The following CACNA1H variants were observed in gnomAD, a reference collection of about 807,000 sequenced individuals.
CACNA1H encodes the protein voltage-dependent T-type calcium channel subunit alpha-1H.
Under a neutral mutation model 192.5 loss-of-function variants are expected in CACNA1H, and 149 were observed. The observed-to-expected ratio is 0.77, with a 90% CI of 0.68 to 0.89. The LOEUF is 0.89. Among genes scored for constraint, CACNA1H ranks in the 40% least tolerant of loss-of-function variants. The pLI, the probability that CACNA1H is intolerant of heterozygous loss-of-function variation, is 0.00. For missense variants in CACNA1H, 4,257 were observed against 3,423.5 expected (o/e 1.24, Z -6.08); for synonymous variants, 2,202 against 1,475.2 (o/e 1.49, Z -11.29).
At chr16:1,155,833 G>A (rs1363157296) in intron 2 of CACNA1H, among the ~76,000 whole-genome samples, 2 of 152,166 alleles carry the variant, frequency 1.3e-5, no homozygotes, top group African/African-American at 4.8e-5. Flanking sequence ...GGTGGGATGA[G>A]CTCTCCAGGG....
intron 2 of CACNA1H, among the ~76,000 whole-genome samples, chr16:1,181,970 G>A (rs1040931966): frequency 4.6e-5 from 7 of 152,094 alleles, no homozygotes; most frequent in Non-Finnish European, 8.8e-5. Context: ...ATGCCCCCTC[G>A]CACACGCATG....
At chr16:1,188,805 TCCC>T (rs1263034876) in intron 2 of CACNA1H, among the ~76,000 whole-genome samples, 1 of 151,962 alleles carries the variant, frequency 6.6e-6, no homozygotes. Flanking sequence ...CCTGGATGTG[TCCC>T]CCCACACCTA....
intron 11 of CACNA1H, among the ~76,000 whole-genome samples, 163 bp from the exon 12 acceptor site, chr16:1,205,941 T>C (rs1483192682): frequency 1.3e-5 from 2 of 152,186 alleles, no homozygotes; most frequent in African/African-American, 4.8e-5. Flanking sequence ...TTGAGGTGCT[T>C]CCGCAGCTGT....
intron 2 of CACNA1H, among the ~76,000 whole-genome samples, chr16:1,186,997 C>T (rs1214075695): frequency 2.0e-5 from 3 of 152,322 alleles, no homozygotes; most frequent in East Asian, 3.9e-4. Context: ...CTGGCCCGGC[C>T]CCTCCTGGGT....
chr16:1,158,439 C>A (rs144066810), intron 2 of CACNA1H, among the ~76,000 whole-genome samples: 1 of 152,088 alleles, frequency 6.6e-6, no homozygotes, highest in Non-Finnish European at 1.5e-5. Context: ...GAGAGGCCCC[C>A]GGGGATGATG....
At chr16:1,206,908 CTCCCTCCTCCCA>C in intron 12 of CACNA1H, 81 bp from the exon 13 acceptor site, 3 of 259,104 alleles carry the variant, frequency 1.2e-5, no homozygotes, top group South Asian at 5.7e-5. Flanking sequence ...AGTCCTGCCC[CTCCCTCCTCCCA>C]CCCCCCTCCC....
At chr16:1,183,397 TCCCTCCTGG>T (rs1232184186) in intron 2 of CACNA1H, among the ~76,000 whole-genome samples, 1 of 152,062 alleles carries the variant, frequency 6.6e-6, no homozygotes, top group Non-Finnish European at 1.5e-5. Flanking sequence ...GAGCCGGGAA[TCCCTCCTGG>T]CCCCTCCCCC....
At position 1,205,263 on chromosome 16, in the gene CACNA1H, C is replaced by T. The variant is rs1968547226; in HGVS notation, c.2601C>T (p.Ile867=). 2 of 1,602,846 alleles carry T rather than the reference C, an allele frequency of 1.2e-6. No individual in the cohort carries two copies. The highest frequency in any genetic ancestry group is 1.7e-6 in the Non-Finnish European group (2 of 1,171,774). The change falls in exon 11 of 35, where the codon ATC becomes ATT. Residue 867 remains isoleucine, a splice_region_variant and synonymous_variant. Coordinates refer to ENST00000348261, the MANE Select transcript of CACNA1H (RefSeq NM_021098.3). The part of the protein sequence containing the change: ...YNIFDGIIVV[I]SVWEIVGQAD... ...TCTTCGACGGCATCATCGTGGTCAT[C>T]AGGTGGGTCCCCACCCTCTCCCCAG...
chr16:1,211,901 C>G (rs757833071), intron 24 of CACNA1H, 45 bp from the exon 25 acceptor site: 15 of 1,611,706 alleles, frequency 9.3e-6, no homozygotes, highest in Non-Finnish European at 1.3e-5. Flanking sequence ...GGGTAGGGCC[C>G]CTGGCGGGGC....
chr16:1,198,711 T>C lies in CACNA1H; in HGVS notation c.740T>C (p.Val247Ala). Residue 247 changes from valine to alanine, a missense_variant, in exon 6 of 35, where the codon GTT (valine) becomes GCT (alanine). Val to Ala is a moderately conservative substitution (Grantham distance 64). Transcript: ENST00000348261. ...CFFVFFIFGI[V>A]GVQLWAGLLR... ...TTCGTCTTCTTCATTTTCGGCATCG[T>C]TGGCGTCCAGCTCTGGGCTGGCCTC... 6.2e-7 allele frequency: 1 copy of C among 1,613,384 alleles called. No homozygotes were observed. Among genetic ancestry groups the C allele is most frequent in the South Asian group, 1.1e-5 (1 of 91,092 alleles).
At chr16:1,197,025 C>T (rs1359852717) in intron 5 of CACNA1H, among the ~76,000 whole-genome samples, 1 of 152,184 alleles carries the variant, frequency 6.6e-6, no homozygotes, top group Non-Finnish European at 1.5e-5. Context: ...TGACCTGCAG[C>T]AACCCCCCAA....
At chr16:1,155,042 C>G (rs1479546914) in intron 2 of CACNA1H, among the ~76,000 whole-genome samples, 1 of 152,208 alleles carries the variant, frequency 6.6e-6, no homozygotes, top group African/African-American at 2.4e-5. Flanking sequence ...GGTGGGGAGA[C>G]AGGCTGGCAG....
rs773605138 is a variant in CACNA1H at position 1,213,923 on chromosome 16, C to A, written c.4921C>A (p.Gln1641Lys). Reference protein sequence around the residue: ...VITMSMEHYNQPKSLDEALKY... With the variant: ...VITMSMEHYNKPKSLDEALKY... Reference sequence around the variant, plus strand: ...CACCATGTCCATGGAGCACTATAACCAACCCAAGGTGGGTGCGAGGGGGCC... The same window carrying A: ...CACCATGTCCATGGAGCACTATAACAAACCCAAGGTGGGTGCGAGGGGGCC... Residue 1641 changes from glutamine (Q) to lysine (K), a missense_variant, in exon 27 of 35, where the codon CAA (glutamine) becomes AAA (lysine). By Grantham distance (53) the Gln-to-Lys change is moderately conservative (BLOSUM62 1). Coordinates refer to ENST00000348261, the MANE Select transcript of CACNA1H (RefSeq NM_021098.3). 6.2e-7 allele frequency: 1 copy of A among 1,610,668 alleles called. No homozygotes were observed. Among genetic ancestry groups the A allele is most frequent in the Non-Finnish European group, 8.5e-7 (1 of 1,179,008 alleles).
chr16:1,211,032 C>A, intron 21 of CACNA1H, 61 bp downstream of exon 21: 1 of 1,556,148 alleles, frequency 6.4e-7, no homozygotes, highest in Non-Finnish European at 8.7e-7. Context: ...GACGCCACTG[C>A]CCATTACTCC....
Position 1,213,835 on chromosome 16 carries a change from C to T in CACNA1H, c.4833C>T (p.His1611=), listed in dbSNP as rs778770948. 32 of 1,597,864 alleles carry T rather than the reference C, an allele frequency of 2.0e-5. No homozygotes were observed. The South Asian group carries it at 2.9e-4, about 15-fold the overall frequency. ...ACTCGCCCACGCGCCGCTCCATTCA[C>T]TCGCTGTGCACCAGCCACTATCTCG... ...ADYSPTRRSI[H]SLCTSHYLDL... is the part of the protein sequence containing the mutation. The change falls in exon 27 of 35, where the codon CAC becomes CAT. Residue 1611 remains histidine, a synonymous_variant. Coordinates refer to ENST00000348261, the MANE Select transcript of CACNA1H (RefSeq NM_021098.3).
intron 13 of CACNA1H, 49 bp downstream of exon 13, chr16:1,207,167 C>G (rs1384691410): frequency 1.3e-6 from 2 of 1,551,270 alleles, no homozygotes; most frequent in Non-Finnish European, 1.7e-6. Context: ...GTGTGGTCCC[C>G]AGAGAGGTGG....
In CACNA1H at chr16:1,180,395, GGTGTCT is replaced by G. The variant is rs1485185195; in HGVS notation, c.300-14575_300-14570del. Among the ~76,000 whole-genome samples the G allele has an allele frequency of 6.6e-6, 1 of 152,208 alleles. No homozygotes were observed. The highest frequency in any genetic ancestry group is 1.5e-5 in the Non-Finnish European group (1 of 68,040). On this transcript the variant is annotated intron_variant, in intron 2 of 34. Transcript: ENST00000348261. The surrounding 1 kb of genome is among the most constrained non-coding windows in gnomAD (Gnocchi z 4.4). ...GGCTGGGTGAGGAGGGGGCACCCCA[GGTGTCT>G]GAACCCCAGGTCTGTGGAGGCCCGA...
At chr16:1,179,492 G>A (rs1362103849) in intron 2 of CACNA1H, among the ~76,000 whole-genome samples, 3 of 151,596 alleles carry the variant, frequency 2.0e-5, no homozygotes, top group Non-Finnish European at 4.4e-5. Flanking sequence ...TTGCTGGTGT[G>A]ATCTCGGCTC....
At chr16:1,157,344 G>A (rs1408197262) in intron 2 of CACNA1H, among the ~76,000 whole-genome samples, 3 of 152,212 alleles carry the variant, frequency 2.0e-5, no homozygotes, top group Non-Finnish European at 4.4e-5. Context: ...GATGGGGAAG[G>A]ATATATCAAG....
Sources: gnomAD v4.1 joint callset for allele counts (sites outside exome capture counted in the v4.1 genomes callset) on GRCh38, gnomAD v4.1.1 for gene constraint, Gnocchi (gnomAD v3.1) non-coding constraint, MANE v1.5 for transcripts, NCBI Gene and HGNC (gene_info 2026-07-23, HGNC 2026-07-21) for gene names.